The following SNTG1 variants were observed in gnomAD, a reference collection of about 807,000 sequenced individuals.
SNTG1 encodes syntrophin gamma 1.
In SNTG1, 39 loss-of-function variants were observed where a neutral mutation model predicts 74.7. The observed-to-expected ratio is 0.52, with a 90% CI of 0.40 to 0.68. The LOEUF is 0.68. Among genes scored for constraint, SNTG1 ranks in the 30% least tolerant of loss-of-function variants. The pLI is 0.00. For synonymous variants in SNTG1, 254 were observed against 217.1 expected, an observed-to-expected ratio of 1.17 and a Z score of -1.49; for missense variants, 685 against 609.5, an observed-to-expected ratio of 1.12 and a Z score of -1.30.
intron 4 of SNTG1, among the ~76,000 whole-genome samples, chr8:50,417,722 C>T (rs2093032223): frequency 6.6e-6 from 1 of 152,104 alleles, no homozygotes; most frequent in Admixed American, 6.6e-5. Flanking sequence ...AAGGTGATGC[C>T]CTTGCTTCCT....
At chr8:49,953,902 C>A (rs1211212082) in intron 1 of SNTG1, among the ~76,000 whole-genome samples, 1 of 152,188 alleles carries the variant, frequency 6.6e-6, no homozygotes, top group African/African-American at 2.4e-5. Context: ...GTAGTAATTG[C>A]ATAACTACAA....
chr8:50,202,011 T>G (rs2084005855), intron 2 of SNTG1, among the ~76,000 whole-genome samples: 1 of 152,162 alleles, frequency 6.6e-6, no homozygotes, highest in South Asian at 2.1e-4. Context: ...CTTTATCAAA[T>G]ACAGCACCGT....
intron 2 of SNTG1, among the ~76,000 whole-genome samples, chr8:50,387,344 A>T (rs1014767889): frequency 6.6e-6 from 1 of 152,154 alleles, no homozygotes; most frequent in African/African-American, 2.4e-5. Flanking sequence ...AGTCAAGTCG[A>T]AAGGTGCATT....
At chr8:50,707,448 C>T (rs2095447026) in intron 16 of SNTG1, among the ~76,000 whole-genome samples, 1 of 151,564 alleles carries the variant, frequency 6.6e-6, no homozygotes, top group African/African-American at 2.4e-5. Flanking sequence ...TAAGTATGTT[C>T]TTTAGTCTGC....
intron 1 of SNTG1, among the ~76,000 whole-genome samples, chr8:50,101,249 C>A (rs569890916): frequency 6.6e-6 from 1 of 151,956 alleles, no homozygotes; most frequent in Admixed American, 6.6e-5. Context: ...CATACACATG[C>A]GTCTGTTTTT....
chr8:50,424,082 A>G (rs1364831333), intron 4 of SNTG1, among the ~76,000 whole-genome samples: 1 of 152,154 alleles, frequency 6.6e-6, no homozygotes, highest in East Asian at 1.9e-4. Context: ...CTAACAACAA[A>G]TAAACATGAT....
chr8:50,203,099 G>T (rs1260810645), intron 2 of SNTG1, among the ~76,000 whole-genome samples: 1 of 150,878 alleles, frequency 6.6e-6, no homozygotes, highest in East Asian at 1.9e-4. Flanking sequence ...TATATTTTTT[G>T]CTTTTTCCAT....
intron 2 of SNTG1, among the ~76,000 whole-genome samples, chr8:50,241,912 C>T (rs190897467): frequency 1.3e-5 from 2 of 152,008 alleles, no homozygotes; most frequent in Admixed American, 1.3e-4. Context: ...GTCATCTGCC[C>T]ATGGTCTTGA....
intron 2 of SNTG1, among the ~76,000 whole-genome samples, chr8:50,374,074 G>A (rs1039653096): frequency 2.0e-5 from 3 of 152,194 alleles, no homozygotes; most frequent in African/African-American, 7.2e-5. Context: ...TGCTTAGCTT[G>A]TTAGAAGACC....
chr8:50,727,269 C>A (rs183072872), intron 17 of SNTG1, among the ~76,000 whole-genome samples: 111 of 152,126 alleles, frequency 7.3e-4, no homozygotes, highest in African/African-American at 2.7e-3. Flanking sequence ...TGCTGACAAT[C>A]CCTAAAATAA....
chr8:50,479,763 G>T (rs2093725384), intron 8 of SNTG1, among the ~76,000 whole-genome samples: 1 of 151,900 alleles, frequency 6.6e-6, no homozygotes, highest in Non-Finnish European at 1.5e-5. Context: ...ACCGTTTCAT[G>T]TTGCCTCACA....
intron 13 of SNTG1, among the ~76,000 whole-genome samples, chr8:50,617,755 C>G (rs1483109970): frequency 1.3e-5 from 2 of 152,112 alleles, no homozygotes; most frequent in Non-Finnish European, 2.9e-5. Flanking sequence ...GCTGCATGCA[C>G]CAGTAATTAG....
intron 12 of SNTG1, among the ~76,000 whole-genome samples, chr8:50,562,596 T>G (rs1389616510): frequency 1.3e-5 from 2 of 152,180 alleles, no homozygotes; most frequent in Non-Finnish European, 2.9e-5. Context: ...AGTATGATAA[T>G]ATATAAATGT....
chr8:50,459,131 A>G (rs2093536152), intron 8 of SNTG1, among the ~76,000 whole-genome samples: 1 of 152,148 alleles, frequency 6.6e-6, no homozygotes, highest in Non-Finnish European at 1.5e-5. Flanking sequence ...TGAGAAGACT[A>G]TTCTTTCCTA....
chr8:50,514,371 T>C (rs1404709613), intron 9 of SNTG1, among the ~76,000 whole-genome samples: 1 of 151,954 alleles, frequency 6.6e-6, no homozygotes, highest in East Asian at 1.9e-4. Context: ...GATAAAATTT[T>C]CTCTCTTTGT....
chr8:49,965,204 C>T (rs1357276155), intron 1 of SNTG1, among the ~76,000 whole-genome samples: 1 of 152,118 alleles, frequency 6.6e-6, no homozygotes, highest in African/African-American at 2.4e-5. Context: ...TAAAAGTCAA[C>T]TGTGACAATC....
chr8:49,914,361 T>A (rs1415165104), intron 1 of SNTG1, among the ~76,000 whole-genome samples: 3 of 145,008 alleles, frequency 2.1e-5, no homozygotes. Flanking sequence ...TTTTCCCCAT[T>A]AAAAAAAAAA....
chr8:50,737,890 G>A (rs1250557312), intron 17 of SNTG1, among the ~76,000 whole-genome samples: 1 of 152,034 alleles, frequency 6.6e-6, no homozygotes, highest in Non-Finnish European at 1.5e-5. Context: ...AATAAAATAA[G>A]TATTGATGGA....
chr8:50,348,876 C>T (rs1391388150), intron 2 of SNTG1, among the ~76,000 whole-genome samples: 1 of 152,128 alleles, frequency 6.6e-6, no homozygotes, highest in South Asian at 2.1e-4. Context: ...TTTCAATAAC[C>T]CTGCTGGGCT....
Sources: gnomAD v4.1 joint callset for allele counts (sites outside exome capture counted in the v4.1 genomes callset) on GRCh38, gnomAD v4.1.1 for gene constraint, MANE v1.5 for transcripts, NCBI Gene and HGNC (gene_info 2026-07-23, HGNC 2026-07-21) for gene names.